The following MGAT4D variants were observed in gnomAD, a reference collection of about 807,000 sequenced individuals.
MGAT4D encodes MGAT4 family member D.
Under a neutral mutation model 15.9 loss-of-function variants are expected in MGAT4D, and 34 were observed. That is an observed-to-expected ratio of 2.14 (90% confidence interval 1.62 to 2.84). The LOEUF (loss-of-function observed/expected upper bound fraction) is 2.84. MGAT4D is among the 30% of genes most tolerant of loss of function. The pLI is 0.00. For synonymous variants in MGAT4D, 112 were observed against 48.2 expected, an observed-to-expected ratio of 2.33 and a Z score of -5.49; for missense variants, 327 against 140.2, an observed-to-expected ratio of 2.33 and a Z score of -6.73.
At chr4:140,483,868 G>A (rs886410879) in intron 1 of MGAT4D, among the ~76,000 whole-genome samples, 1 of 152,102 alleles carries the variant, frequency 6.6e-6, no homozygotes, top group African/African-American at 2.4e-5. Context: ...ACTAAAAATG[G>A]ATGAAAGACT....
rs1317804434 is a variant in MGAT4D, at chr4:140,498,189, G to A, written c.34C>T (p.Leu12=). The change falls in exon 1 of 11, where the codon CTG becomes TTG. Residue 12 remains leucine, a synonymous_variant. Coordinates refer to ENST00000511113, the MANE Select transcript of MGAT4D (RefSeq NM_001277353.2). Reference sequence around the variant, plus strand: ...AAGCTGAACAACGCGACGGCGACCAGGGTGATCAGCAAGTTCACCTGCTTG... The same window carrying A: ...AAGCTGAACAACGCGACGGCGACCAAGGTGATCAGCAAGTTCACCTGCTTG... The part of the protein sequence containing the change: ...RTKQVNLLIT[L]VAVALFSFSC... 2 of 702,646 alleles carry A rather than the reference G, an allele frequency of 2.8e-6. No individual in the cohort carries two copies. Among genetic ancestry groups the A allele is most frequent in the Non-Finnish European group, 5.2e-6 (2 of 384,730 alleles). The allele number at this position is 702,646 out of a possible 1,614,324, so 43.5% of individuals were successfully genotyped here. A position where few individuals can be genotyped will look rare whatever the true frequency, so the allele number is the denominator to read the frequency against.
At chr4:140,445,339 C>T (rs1399475800) in intron 10 of MGAT4D, among the ~76,000 whole-genome samples, 1 of 152,006 alleles carries the variant, frequency 6.6e-6, no homozygotes, top group Non-Finnish European at 1.5e-5. Flanking sequence ...TTTTAAAAAG[C>T]ATCTGTTTGT....
intron 1 of MGAT4D, among the ~76,000 whole-genome samples, chr4:140,487,507 G>A (rs185962253): frequency 5.8e-4 from 88 of 152,168 alleles, no homozygotes; most frequent in Non-Finnish European, 9.4e-4. Flanking sequence ...GAAAAGAAAC[G>A]AATGAAACAA....
chr4:140,462,596 T>G (rs1731265534), intron 6 of MGAT4D: 1 of 152,240 alleles, frequency 6.6e-6, no homozygotes, highest in Admixed American at 6.5e-5. Flanking sequence ...AACCCAATGT[T>G]AACTCCCTTC....
At chr4:140,447,402 T>C (rs983072196) in intron 10 of MGAT4D, among the ~76,000 whole-genome samples, 2 of 152,200 alleles carry the variant, frequency 1.3e-5, no homozygotes, top group Non-Finnish European at 2.9e-5. Flanking sequence ...GTTTAGTGCA[T>C]ATATATTTAG....
At chr4:140,491,807 G>A (rs1009920535) in intron 1 of MGAT4D, among the ~76,000 whole-genome samples, 3 of 152,034 alleles carry the variant, frequency 2.0e-5, no homozygotes, top group African/African-American at 7.2e-5. Context: ...GTGTCTTCCA[G>A]AGAAATTGAA....
intron 9 of MGAT4D, among the ~76,000 whole-genome samples, chr4:140,452,490 T>C (rs1477197273): frequency 6.6e-6 from 1 of 152,148 alleles, no homozygotes; most frequent in South Asian, 2.1e-4. Flanking sequence ...AATAATGGCT[T>C]TGCAAATACA....
intron 5 of MGAT4D, among the ~76,000 whole-genome samples, chr4:140,471,517 C>T (rs559509924): frequency 1.5e-4 from 23 of 152,044 alleles, no homozygotes; most frequent in South Asian, 2.1e-4. Flanking sequence ...GGGCTTCTCT[C>T]GGTACCAATG....
chr4:140,495,435 C>A (rs1333421876), intron 1 of MGAT4D, among the ~76,000 whole-genome samples: 1 of 152,208 alleles, frequency 6.6e-6, no homozygotes, highest in African/African-American at 2.4e-5. Context: ...TCCTTTGATG[C>A]CGTTCACTTG....
chr4:140,476,394 A>G (rs1269928847), intron 3 of MGAT4D, among the ~76,000 whole-genome samples: 2 of 152,172 alleles, frequency 1.3e-5, no homozygotes, highest in Non-Finnish European at 2.9e-5. Flanking sequence ...CTTGTTAAGA[A>G]ATCTTTGCTT....
intron 1 of MGAT4D, among the ~76,000 whole-genome samples, chr4:140,483,412 G>C (rs1307987891): frequency 1.3e-5 from 2 of 152,066 alleles, no homozygotes; most frequent in East Asian, 1.9e-4. Flanking sequence ...TCGTAGATTA[G>C]AAGAATATTG....
chr4:140,461,466 T>C (rs1240029790), intron 7 of MGAT4D, among the ~76,000 whole-genome samples: 6 of 152,164 alleles, frequency 3.9e-5, no homozygotes, highest in African/African-American at 1.4e-4. Context: ...TATTTACTTT[T>C]ACAAATACAG....
chr4:140,442,278 T>C lies in MGAT4D; in HGVS notation c.*1158A>G, dbSNP rs1729830689. On this transcript the variant is annotated 3_prime_UTR_variant, in exon 11 of 11. Transcript: ENST00000511113. ...CAGAAATAGTTCGTCTTTCATATTA[T>C]CTTTATAAATTGGTATTTGATACAG... is the stretch of plus-strand genomic sequence containing the variant. 1 of 152,168 alleles carries C rather than the reference T, an allele frequency of 6.6e-6. No homozygotes were observed. The highest frequency in any genetic ancestry group is 2.1e-4 in the South Asian group (1 of 4,832). 9.4% of individuals were successfully genotyped at this position (152,168 alleles called of 1,614,324 possible).
chr4:140,470,113 C>T (rs1308567738), intron 5 of MGAT4D, among the ~76,000 whole-genome samples: 1 of 152,236 alleles, frequency 6.6e-6, no homozygotes, highest in Non-Finnish European at 1.5e-5. Context: ...GTTTAATGTC[C>T]TCTCCTTCCC....
chr4:140,456,554 C>T (rs2126701717), intron 9 of MGAT4D, 35 bp downstream of exon 9: 14 of 550,784 alleles, frequency 2.5e-5, no homozygotes, highest in South Asian at 1.5e-4. Flanking sequence ...AATATTTTTC[C>T]TAAAATATTT....
At chr4:140,492,464 T>C (rs529175356) in intron 1 of MGAT4D, among the ~76,000 whole-genome samples, 1 of 151,996 alleles carries the variant, frequency 6.6e-6, no homozygotes, top group Admixed American at 6.6e-5. Flanking sequence ...CCTGTCTCTA[T>C]GAAAAATACA....
chr4:140,457,004 A>G lies in MGAT4D; in HGVS notation c.878-285T>C, dbSNP rs1183831088. 2.3e-5 allele frequency: 4 copies of G among 173,086 alleles called. No homozygotes were observed. The East Asian group carries it at 6.0e-4, about 26-fold the overall frequency. 10.7% of individuals were successfully genotyped at this position (173,086 alleles called of 1,614,324 possible). ...GGATTGATTGTCTAAATCAAGTGAA[A>G]GACAAGTGAATAGAATGAAATATAT... On this transcript the variant is annotated intron_variant, in intron 8 of 10. Coordinates refer to ENST00000511113, the MANE Select transcript of MGAT4D (RefSeq NM_001277353.2).
At chr4:140,450,676 A>G (rs1051972132) in intron 10 of MGAT4D, among the ~76,000 whole-genome samples, 4 of 152,222 alleles carry the variant, frequency 2.6e-5, no homozygotes, top group Non-Finnish European at 5.9e-5. Flanking sequence ...CAGTTGACAA[A>G]GGATTAAAGC....
chr4:140,485,132 C>G (rs1003480383), intron 1 of MGAT4D, among the ~76,000 whole-genome samples: 4 of 152,144 alleles, frequency 2.6e-5, no homozygotes, highest in African/African-American at 9.7e-5. Flanking sequence ...TTCACAATAG[C>G]AAAGACTTGG....
Sources: allele counts gnomAD v4.1 joint callset (sites outside exome capture counted in the v4.1 genomes callset), GRCh38; gene constraint gnomAD v4.1.1; transcripts MANE v1.5; gene names NCBI Gene and HGNC (gene_info 2026-07-23, HGNC 2026-07-21).